The following CLDN16 variants were observed in gnomAD, a reference collection of about 807,000 sequenced individuals.
CLDN16 encodes claudin 16.
Under a neutral mutation model 24.6 loss-of-function variants are expected in CLDN16, and 13 were observed. That is an observed-to-expected ratio of 0.53 (90% CI 0.34 to 0.84). CLDN16 has a LOEUF of 0.84. Among genes scored for constraint, CLDN16 ranks in the 40% least tolerant of loss-of-function variants. The pLI is 0.01. For synonymous variants in CLDN16, 116 were observed against 106.7 expected, an observed-to-expected ratio of 1.09 and a Z score of -0.54; for missense variants, 298 against 292.7, an observed-to-expected ratio of 1.02 and a Z score of -0.13.
upstream of CLDN16, among the ~76,000 whole-genome samples, chr3:190,383,878 A>T (rs1718426067): frequency 6.6e-6 from 1 of 152,242 alleles, no homozygotes; most frequent in African/African-American, 2.4e-5. Flanking sequence ...TATAAAAATC[A>T]TACTAACTAC....
chr3:190,301,362 G>T, the CLDN16 span, among the ~76,000 whole-genome samples: 1 of 152,066 alleles, frequency 6.6e-6, no homozygotes, highest in African/African-American at 2.4e-5. Flanking sequence ...GGGTGTGGTG[G>T]CTTGTGCCTG....
chr3:190,351,304 C>T (rs1001382304), intron 1 of CLDN16, among the ~76,000 whole-genome samples: 2 of 152,088 alleles, frequency 1.3e-5, no homozygotes, highest in African/African-American at 4.8e-5. Context: ...TGTTCCTTTA[C>T]AGCAATGCAA....
chr3:190,363,592 ATATATT>A (rs1327364926), intron 1 of CLDN16, among the ~76,000 whole-genome samples: 4 of 130,352 alleles, frequency 3.1e-5, no homozygotes, highest in African/African-American at 1.1e-4. Context: ...ATATATATAT[ATATATT>A]TTCTTTCTCC....
the CLDN16 span, among the ~76,000 whole-genome samples, chr3:190,297,500 A>C: frequency 1.5e-4 from 12 of 81,506 alleles, no homozygotes; most frequent in African/African-American, 9.0e-4. Flanking sequence ...ATCTATATTT[A>C]TATCTATATA....
chr3:190,328,675 TAA>T (rs200043866), intron 1 of CLDN16, among the ~76,000 whole-genome samples: 2 of 142,738 alleles, frequency 1.4e-5, no homozygotes, highest in Non-Finnish European at 3.1e-5. Flanking sequence ...ACATTCTACG[TAA>T]AAAAAAAAAA....
chr3:190,356,101 T>C (rs191587682), intron 1 of CLDN16, among the ~76,000 whole-genome samples: 302 of 151,828 alleles, frequency 2.0e-3, no homozygotes, highest in Non-Finnish European at 3.5e-3. Context: ...CAATATGATT[T>C]TTGCTGAAAA....
Position 190,388,169 on chromosome 3 carries a change from AC to A in CLDN16, c.-160del. ...GTTACAGCCTGTTTGTATTATTCTT[AC>A]TGCAACTCAAGACACCTGCAGCAGG... On this transcript the variant is annotated 5_prime_UTR_variant, in exon 1 of 5. In the 5' UTR this introduces an upstream ATG that the reference lacks. Transcript: ENST00000264734. The A allele has an allele frequency of 2.5e-6, 4 of 1,614,050 alleles. No individual in the cohort carries two copies. The highest frequency in any genetic ancestry group is 3.4e-6 in the Non-Finnish European group (4 of 1,179,998).
intron 1 of CLDN16, among the ~76,000 whole-genome samples, chr3:190,338,264 C>G (rs187835141): frequency 6.6e-5 from 10 of 152,262 alleles, no homozygotes; most frequent in Admixed American, 4.6e-4. Flanking sequence ...CTTAAAGATA[C>G]AGCTGATACA....
intron 1 of CLDN16, among the ~76,000 whole-genome samples, chr3:190,324,935 G>T (rs1717027822): frequency 6.6e-6 from 1 of 152,186 alleles, no homozygotes; most frequent in Non-Finnish European, 1.5e-5. Context: ...CTCTAGAAAG[G>T]CTGGCAATGG....
chr3:190,392,205 G>A (rs139049891), intron 1 of CLDN16, among the ~76,000 whole-genome samples: 127 of 151,606 alleles, frequency 8.4e-4, no homozygotes, highest in Middle Eastern at 6.8e-3. Context: ...TTTTTCTGTA[G>A]CTTCATACAC....
chr3:190,354,806 G>T (rs1386134243), intron 1 of CLDN16, among the ~76,000 whole-genome samples: 1 of 151,850 alleles, frequency 6.6e-6, no homozygotes, highest in Non-Finnish European at 1.5e-5. Flanking sequence ...AACCCTAAAG[G>T]GTTGAATACC....
the CLDN16 span, among the ~76,000 whole-genome samples, chr3:190,294,193 C>T: frequency 6.6e-6 from 1 of 152,166 alleles, no homozygotes; most frequent in African/African-American, 2.4e-5. Flanking sequence ...TTCTAAACTA[C>T]TTCAAATCTC....
At chr3:190,307,733 A>G in the CLDN16 span, 1 of 152,986 alleles carries the variant, frequency 6.5e-6, no homozygotes, top group Non-Finnish European at 1.5e-5. Context: ...AATTGAAAGA[A>G]TTCATCCTTG....
the CLDN16 span, chr3:190,307,517 G>T: frequency 1.3e-5 from 2 of 152,156 alleles, no homozygotes; most frequent in African/African-American, 2.4e-5. Context: ...TATCACTTTG[G>T]TCATGCAGAA....
At chr3:190,398,403 A>G (rs1718873780) in intron 1 of CLDN16, among the ~76,000 whole-genome samples, 1 of 152,176 alleles carries the variant, frequency 6.6e-6, no homozygotes, top group Non-Finnish European at 1.5e-5. Flanking sequence ...CTTGACTTGT[A>G]GCTTTATCCC....
chr3:190,373,050 C>G (rs996403315), intron 2 of CLDN16, among the ~76,000 whole-genome samples: 2 of 151,976 alleles, frequency 1.3e-5, no homozygotes, highest in East Asian at 3.9e-4. Context: ...CTTCCAGTCC[C>G]TGACATAGCC....
Position 190,410,157 on chromosome 3 carries a change from AG to A in CLDN16, c.*122del. ...TTCATATTGAATTAAATTAATTGCT[AG>A]CTTAATCAAAATGTTTGATTCTCCT... On this transcript the variant is annotated 3_prime_UTR_variant, in exon 5 of 5. Coordinates refer to ENST00000264734, the MANE Select transcript of CLDN16 (RefSeq NM_006580.4). 8.6e-7 allele frequency: 1 copy of A among 1,157,242 alleles called. No individual in the cohort carries two copies. The highest frequency in any genetic ancestry group is 1.3e-6 in the Non-Finnish European group (1 of 779,440). The allele number at this position is 1,157,242 out of a possible 1,614,324, so 71.7% of individuals were successfully genotyped here. A position where few individuals can be genotyped will look rare whatever the true frequency, so the allele number is the denominator to read the frequency against.
upstream of CLDN16, chr3:190,322,338 T>G: frequency 1.2e-6 from 1 of 822,350 alleles, no homozygotes; most frequent in Non-Finnish European, 2.0e-6. Flanking sequence ...CCCTGCTCGC[T>G]GCGCCGCCGC....
chr3:190,391,050 G>A (rs1343101968), intron 1 of CLDN16, among the ~76,000 whole-genome samples: 2 of 152,028 alleles, frequency 1.3e-5, no homozygotes, highest in African/African-American at 4.8e-5. Context: ...GCCTCCTAAA[G>A]TACTGGGATT....
Sources: gnomAD v4.1 joint callset for allele counts (sites outside exome capture counted in the v4.1 genomes callset) on GRCh38, gnomAD v4.1.1 for gene constraint, MANE v1.5 for transcripts, NCBI Gene and HGNC (gene_info 2026-07-23, HGNC 2026-07-21) for gene names.